The following BMPER variants were observed in gnomAD, a reference collection of about 807,000 sequenced individuals.
BMPER encodes the protein BMP-binding endothelial regulator protein.
Under a neutral mutation model 87.3 loss-of-function variants are expected in BMPER, and 45 were observed. That is an observed-to-expected ratio of 0.52 (90% CI 0.41 to 0.66). The LOEUF is 0.66. Ranked by LOEUF, BMPER falls within the 30% of genes least tolerant of loss-of-function variation. The pLI, the probability that BMPER is intolerant of heterozygous loss-of-function variation, is 0.00. For missense variants in BMPER, 784 were observed against 867.5 expected, an observed-to-expected ratio of 0.90 and a Z score of 1.21; for synonymous variants, 326 against 316.2, an observed-to-expected ratio of 1.03 and a Z score of -0.33.
chr7:33,982,273 C>T (rs1033409980), intron 6 of BMPER, among the ~76,000 whole-genome samples: 3 of 152,208 alleles, frequency 2.0e-5, no homozygotes, highest in East Asian at 3.9e-4. Flanking sequence ...CATAAGCTGT[C>T]ATTATATCTT....
intron 11 of BMPER, among the ~76,000 whole-genome samples, chr7:34,078,296 T>A (rs1456166977): frequency 1.3e-5 from 2 of 152,232 alleles, no homozygotes; most frequent in Non-Finnish European, 2.9e-5. Flanking sequence ...GCAATTTGTT[T>A]CCTGATACTA....
At chr7:34,056,755 T>C (rs1788296476) in intron 9 of BMPER, among the ~76,000 whole-genome samples, 1 of 152,006 alleles carries the variant, frequency 6.6e-6, no homozygotes, top group Non-Finnish European at 1.5e-5. Flanking sequence ...GTAGCTGGGA[T>C]TACAGGTGCA....
At chr7:33,929,474 A>AT (rs1270565087) in intron 2 of BMPER, among the ~76,000 whole-genome samples, 2 of 152,158 alleles carry the variant, frequency 1.3e-5, no homozygotes, top group Non-Finnish European at 2.9e-5. Flanking sequence ...AAAAGGCATT[A>AT]TTTTTACTTC....
At chr7:34,054,304 A>G (rs1788222063) in intron 8 of BMPER, among the ~76,000 whole-genome samples, 1 of 152,176 alleles carries the variant, frequency 6.6e-6, no homozygotes, top group African/African-American at 2.4e-5. Flanking sequence ...ACACACATAC[A>G]CAATGAAAGC....
At chr7:34,005,067 A>G (rs1055709590) in intron 6 of BMPER, among the ~76,000 whole-genome samples, 2 of 152,146 alleles carry the variant, frequency 1.3e-5, no homozygotes, top group Non-Finnish European at 2.9e-5. Context: ...GTTTTTAACA[A>G]ATGCACTGGG....
intron 6 of BMPER, among the ~76,000 whole-genome samples, chr7:33,994,215 C>T (rs938780617): frequency 1.3e-5 from 2 of 152,232 alleles, no homozygotes; most frequent in Non-Finnish European, 2.9e-5. Context: ...GCCCCTCCCC[C>T]AGCCTCGCTG....
intron 11 of BMPER, among the ~76,000 whole-genome samples, chr7:34,062,372 A>G (rs1585791137): frequency 6.6e-6 from 1 of 152,212 alleles, no homozygotes; most frequent in East Asian, 1.9e-4. Flanking sequence ...CGGTTAAGAT[A>G]ATGCTATCCG....
chr7:34,062,362 C>T lies in BMPER; in HGVS notation c.1078+315C>T, dbSNP rs777319475. 7.2e-5 allele frequency among the ~76,000 whole-genome samples: 11 copies of T among 152,122 alleles called. No homozygotes were observed. In the East Asian group the frequency reaches 1.9e-3, roughly 27 times the overall value. ...CTGCTAATAGCATTTGTAGTCATCGCGGTTAAGATAATGCTATCCGTAAAA... is the reference window on the plus strand; with the variant it reads ...CTGCTAATAGCATTTGTAGTCATCGTGGTTAAGATAATGCTATCCGTAAAA... On this transcript the variant is annotated intron_variant, in intron 11 of 14. Coordinates refer to ENST00000649409, the MANE Select transcript of BMPER (RefSeq NM_001365308.1).
chr7:34,053,348 A>G (rs1788194683), intron 8 of BMPER, among the ~76,000 whole-genome samples: 1 of 152,158 alleles, frequency 6.6e-6, no homozygotes, highest in Non-Finnish European at 1.5e-5. Context: ...TAGCATCCCC[A>G]TCCAGTGTTT....
chr7:33,920,432 T>TG (rs1252036215), intron 2 of BMPER, among the ~76,000 whole-genome samples: 2 of 141,968 alleles, frequency 1.4e-5, no homozygotes, highest in Non-Finnish European at 3.1e-5. Context: ...TTTTTTTTTT[T>TG]TTTTTTTTTT....
intron 6 of BMPER, among the ~76,000 whole-genome samples, 194 bp from the exon 7 acceptor site, chr7:34,046,112 T>G (rs2127957645): frequency 6.6e-6 from 1 of 152,140 alleles, no homozygotes; most frequent in East Asian, 1.9e-4. Context: ...TCAAAGGCAG[T>G]CTTTTTGCAG....
At chr7:34,135,762 G>A (rs538564360) in intron 13 of BMPER, among the ~76,000 whole-genome samples, 1 of 152,234 alleles carries the variant, frequency 6.6e-6, no homozygotes, top group Admixed American at 6.5e-5. Context: ...TTTTCTTGGA[G>A]GAGCCCATCT....
At position 34,153,283 on chromosome 7, in the gene BMPER, C is replaced by A. The variant is rs370100096; in HGVS notation, c.*10C>A. On this transcript the variant is annotated 3_prime_UTR_variant, in exon 15 of 15. Coordinates refer to ENST00000649409, the MANE Select transcript of BMPER (RefSeq NM_001365308.1). ...TTGTCCCCAGCGGTGACCTTTGTTT[C>A]GATCCTTAAGACTCTGAAATCTGGT... is the stretch of plus-strand genomic sequence containing the variant. 6.2e-6 allele frequency: 10 copies of A among 1,613,572 alleles called. No homozygotes were observed. In the African/African-American group the frequency reaches 1.1e-4, roughly 17 times the overall value.
At chr7:34,121,397 T>A (rs1217669561) in intron 13 of BMPER, among the ~76,000 whole-genome samples, 1 of 152,228 alleles carries the variant, frequency 6.6e-6, no homozygotes, top group Admixed American at 6.5e-5. Flanking sequence ...GGTTTCCTTA[T>A]TTTTTATTGT....
intron 3 of BMPER, among the ~76,000 whole-genome samples, chr7:33,965,850 T>A (rs1204328310): frequency 1.3e-5 from 1 of 75,398 alleles, no homozygotes; most frequent in Non-Finnish European, 2.6e-5. Context: ...TGCCAATGAA[T>A]AACATGTGAT....
intron 2 of BMPER, among the ~76,000 whole-genome samples, chr7:33,924,886 T>A (rs2128605627): frequency 6.6e-6 from 1 of 152,296 alleles, no homozygotes; most frequent in South Asian, 2.1e-4. Context: ...GGTCTTGAAC[T>A]CCTAACCTCA....
intron 6 of BMPER, among the ~76,000 whole-genome samples, chr7:33,980,245 A>T (rs1274520866): frequency 1.3e-5 from 2 of 152,220 alleles, no homozygotes; most frequent in African/African-American, 2.4e-5. Context: ...TCATCAGGGG[A>T]GTGACAGCTT....
At chr7:34,005,151 CAGAT>C (rs1193469385) in intron 6 of BMPER, among the ~76,000 whole-genome samples, 1 of 152,154 alleles carries the variant, frequency 6.6e-6, no homozygotes, top group Non-Finnish European at 1.5e-5. Context: ...AGCAAGCTGA[CAGAT>C]AGGTAAAATA....
intron 6 of BMPER, among the ~76,000 whole-genome samples, chr7:34,018,565 C>T (rs778962245): frequency 1.8e-4 from 27 of 151,936 alleles, no homozygotes; most frequent in Non-Finnish European, 3.1e-4. Flanking sequence ...GACACCAAGA[C>T]GAGTCGGCTG....
Sources: gnomAD v4.1 joint callset for allele counts (sites outside exome capture counted in the v4.1 genomes callset) on GRCh38, gnomAD v4.1.1 for gene constraint, MANE v1.5 for transcripts, NCBI Gene and HGNC (gene_info 2026-07-23, HGNC 2026-07-21) for gene names.